NAALADL2: variants seen among roughly 807,000 people sequenced by gnomAD.
NAALADL2 encodes the protein N-acetylated alpha-linked acidic dipeptidase like 2, also known as inactive N-acetylated-alpha-linked acidic dipeptidase-like protein 2.
NAALADL2 carries 76 observed loss-of-function variants against 87.2 expected under a neutral mutation model. The ratio of observed to expected loss-of-function variants is 0.87; its 90% confidence interval spans 0.72 to 1.05. The LOEUF is 1.05. Ranked by LOEUF, NAALADL2 falls within the 50% of genes least tolerant of loss-of-function variation. The pLI, the probability that NAALADL2 is intolerant of heterozygous loss-of-function variation, is 0.00. For missense variants in NAALADL2, 1,089 were observed against 945.8 expected (o/e 1.15, Z -1.99); for synonymous variants, 354 against 331.0 (o/e 1.07, Z -0.75).
intron 11 of NAALADL2, among the ~76,000 whole-genome samples, chr3:175,718,981 C>T (rs1463507051): frequency 1.3e-5 from 2 of 152,152 alleles, no homozygotes; most frequent in African/African-American, 2.4e-5. Flanking sequence ...TTTTAAAGTG[C>T]GGTATGATTG....
At chr3:175,415,572 A>C (rs987111436) in intron 5 of NAALADL2, among the ~76,000 whole-genome samples, 4 of 152,316 alleles carry the variant, frequency 2.6e-5, no homozygotes, top group Admixed American at 2.0e-4. Context: ...ACATTAAATA[A>C]AAAATACCAA....
At chr3:175,790,688 TC>T (rs1752677897) in intron 13 of NAALADL2, among the ~76,000 whole-genome samples, 1 of 152,316 alleles carries the variant, frequency 6.6e-6, no homozygotes, top group East Asian at 1.9e-4. Flanking sequence ...TATACTCCTT[TC>T]CTCCCCTTAT....
chr3:175,228,944 A>T (rs1362534301), intron 2 of NAALADL2, among the ~76,000 whole-genome samples: 1 of 152,014 alleles, frequency 6.6e-6, no homozygotes, highest in Non-Finnish European at 1.5e-5. Flanking sequence ...TCATTATAGT[A>T]GTCCAGCTTA....
intron 1 of NAALADL2, among the ~76,000 whole-genome samples, chr3:175,001,846 A>G (rs924764596): frequency 2.0e-5 from 3 of 152,212 alleles, no homozygotes; most frequent in African/African-American, 7.2e-5. Context: ...ATCTGATGCC[A>G]CAAGTGGAAA....
At chr3:175,016,757 TC>T (rs1376614536) in intron 1 of NAALADL2, among the ~76,000 whole-genome samples, 2 of 152,002 alleles carry the variant, frequency 1.3e-5, no homozygotes. Context: ...TTATATTTTT[TC>T]CTTAGAATAT....
chr3:175,707,793 C>T (rs1055489784), intron 11 of NAALADL2, among the ~76,000 whole-genome samples: 1 of 151,848 alleles, frequency 6.6e-6, no homozygotes, highest in Admixed American at 6.6e-5. Flanking sequence ...AGATCTTGAC[C>T]CTGCCCAGAT....
At chr3:174,455,561 G>A (rs1470449325) in intron 1 of NAALADL2, among the ~76,000 whole-genome samples, 1 of 152,096 alleles carries the variant, frequency 6.6e-6, no homozygotes, top group African/African-American at 2.4e-5. Flanking sequence ...TGCAGAGTTG[G>A]TTCAACATAC....
chr3:174,814,349 C>A (rs919581210), intron 3 of NAALADL2, among the ~76,000 whole-genome samples: 29 of 152,160 alleles, frequency 1.9e-4, no homozygotes, highest in Non-Finnish European at 2.9e-4. Flanking sequence ...CCTCGTGATC[C>A]GCCCGCCTCA....
intron 2 of NAALADL2, among the ~76,000 whole-genome samples, chr3:175,111,148 C>G (rs982158102): frequency 1.3e-5 from 2 of 151,716 alleles, no homozygotes; most frequent in Admixed American, 6.6e-5. Flanking sequence ...CTGTGTGGAG[C>G]TATGTCCAGG....
At chr3:175,093,008 C>A (rs143952439) in intron 1 of NAALADL2, among the ~76,000 whole-genome samples, 1 of 151,760 alleles carries the variant, frequency 6.6e-6, no homozygotes, top group Non-Finnish European at 1.5e-5. Flanking sequence ...TTCCTCTATA[C>A]TAAAGTATAT....
chr3:174,950,213 C>T (rs1484075886), intron 1 of NAALADL2, among the ~76,000 whole-genome samples: 7 of 151,922 alleles, frequency 4.6e-5, no homozygotes, highest in East Asian at 2.0e-4. Context: ...AGTGTAGAGT[C>T]CTTGGTTTTA....
intron 11 of NAALADL2, among the ~76,000 whole-genome samples, chr3:175,719,108 A>G (rs1254255933): frequency 1.3e-5 from 2 of 152,172 alleles, no homozygotes; most frequent in African/African-American, 4.8e-5. Context: ...ATTGAGGAAG[A>G]AGGTCTTGGT....
intron 2 of NAALADL2, among the ~76,000 whole-genome samples, chr3:174,720,570 G>A (rs549908788): frequency 6.6e-6 from 1 of 152,152 alleles, no homozygotes; most frequent in South Asian, 2.1e-4. Context: ...AGACAAAATA[G>A]AACATTTTGC....
At chr3:174,764,304 A>G (rs1486094801) in intron 3 of NAALADL2, among the ~76,000 whole-genome samples, 3 of 152,222 alleles carry the variant, frequency 2.0e-5, no homozygotes, top group African/African-American at 7.2e-5. Context: ...TACCAAATGT[A>G]CAATTCCCTT....
At chr3:174,464,280 A>G (rs1056224063) in intron 1 of NAALADL2, among the ~76,000 whole-genome samples, 5 of 152,074 alleles carry the variant, frequency 3.3e-5, no homozygotes, top group Admixed American at 2.0e-4. Flanking sequence ...TCCAATCTGT[A>G]TCTAATTTTT....
chr3:174,885,515 A>G (rs1729982166), intron 1 of NAALADL2, among the ~76,000 whole-genome samples: 1 of 152,152 alleles, frequency 6.6e-6, no homozygotes, highest in Non-Finnish European at 1.5e-5. Flanking sequence ...CGAATGATGA[A>G]TCAAGAGTGT....
At chr3:175,473,484 G>A (rs1725197621) in intron 9 of NAALADL2, among the ~76,000 whole-genome samples, 1 of 151,756 alleles carries the variant, frequency 6.6e-6, no homozygotes, top group Non-Finnish European at 1.5e-5. Flanking sequence ...ACAACTTCAA[G>A]CAAAGGATAG....
intron 2 of NAALADL2, among the ~76,000 whole-genome samples, chr3:174,573,474 A>C (rs371154805): frequency 1.2e-3 from 182 of 152,242 alleles, no homozygotes; most frequent in African/African-American, 4.2e-3. Flanking sequence ...CTACTGTCTC[A>C]GTCCATTTTT....
At chr3:174,885,825 A>G (rs951140658) in intron 1 of NAALADL2, among the ~76,000 whole-genome samples, 5 of 134,278 alleles carry the variant, frequency 3.7e-5, no homozygotes, top group Admixed American at 1.6e-4. Context: ...CACAATCACA[A>G]GTTCCCACAA....
Sources: gnomAD v4.1 joint callset for allele counts (sites outside exome capture counted in the v4.1 genomes callset) on GRCh38, gnomAD v4.1.1 for gene constraint, MANE v1.5 for transcripts, NCBI Gene and HGNC (gene_info 2026-07-23, HGNC 2026-07-21) for gene names.